The following CTNNA3 variants were observed in gnomAD, a reference collection of about 807,000 sequenced individuals.
CTNNA3 encodes the protein catenin alpha 3, also known as catenin alpha-3.
Under a neutral mutation model 95.7 loss-of-function variants are expected in CTNNA3, and 76 were observed. The ratio of observed to expected loss-of-function variants is 0.79; its 90% confidence interval spans 0.66 to 0.96. The LOEUF is 0.96. CTNNA3 is among the 40% of genes least tolerant of loss of function. The pLI, the probability that CTNNA3 is intolerant of heterozygous loss-of-function variation, is 0.00. For synonymous variants in CTNNA3, 431 were observed against 374.4 expected (o/e 1.15, Z -1.74); for missense variants, 1,191 against 1,089.8 (o/e 1.09, Z -1.31).
chr10:66,496,997 A>G (rs1002701337), intron 11 of CTNNA3, among the ~76,000 whole-genome samples: 1 of 152,002 alleles, frequency 6.6e-6, no homozygotes, highest in African/African-American at 2.4e-5. Context: ...CCCTCAATAC[A>G]TGTCTGTATC....
At chr10:66,037,887 C>A (rs1410388144) in intron 15 of CTNNA3, among the ~76,000 whole-genome samples, 1 of 152,060 alleles carries the variant, frequency 6.6e-6, no homozygotes, top group East Asian at 1.9e-4. Flanking sequence ...TTTGTAATTG[C>A]TATTTTTATT....
At chr10:66,468,472 G>T (rs1246285545) in intron 11 of CTNNA3, among the ~76,000 whole-genome samples, 2 of 151,812 alleles carry the variant, frequency 1.3e-5, no homozygotes, top group Non-Finnish European at 2.9e-5. Flanking sequence ...CATGGGTGGG[G>T]GAAATGGGAA....
chr10:66,310,686 CTT>C (rs370233209), intron 12 of CTNNA3, among the ~76,000 whole-genome samples: 77 of 132,576 alleles, frequency 5.8e-4, no homozygotes, highest in African/African-American at 1.3e-3. Flanking sequence ...TTATACATAA[CTT>C]TTTTTTTTTT....
intron 5 of CTNNA3, among the ~76,000 whole-genome samples, chr10:67,473,200 T>C (rs1463534748): frequency 1.3e-5 from 2 of 152,202 alleles, no homozygotes; most frequent in Admixed American, 1.3e-4. Context: ...AGATCATCCT[T>C]TTCTTTAATA....
intron 7 of CTNNA3, among the ~76,000 whole-genome samples, chr10:66,957,159 T>A (rs1444383442): frequency 3.3e-5 from 5 of 152,086 alleles, no homozygotes; most frequent in African/African-American, 1.2e-4. Flanking sequence ...TTTAGTATAA[T>A]GTTTTCTTTC....
At position 66,927,937 on chromosome 10, in the gene CTNNA3, G is replaced by T. The variant is rs1847163659; in HGVS notation, c.1048-152413C>A. ...TCTAAGGGAGAATACAATTATCTGT[G>T]CCAGTCCCAAAGAGCTGCAAGGAGT... On this transcript the variant is annotated intron_variant, in intron 7 of 17. Transcript: ENST00000433211. The surrounding 1 kb of genome is among the most constrained non-coding windows in gnomAD (Gnocchi z 4.7). 6.2e-7 allele frequency: 1 copy of T among 1,614,094 alleles called. No individual in the cohort carries two copies. The highest frequency in any genetic ancestry group is 8.5e-7 in the Non-Finnish European group (1 of 1,180,054).
At chr10:66,934,393 C>G (rs571974494) in intron 7 of CTNNA3, among the ~76,000 whole-genome samples, 1 of 152,088 alleles carries the variant, frequency 6.6e-6, no homozygotes, top group African/African-American at 2.4e-5. Context: ...AAATGTCTTC[C>G]TTTATAAACC....
intron 13 of CTNNA3, among the ~76,000 whole-genome samples, chr10:66,188,391 C>G (rs1589676036): frequency 6.6e-6 from 1 of 152,112 alleles, no homozygotes; most frequent in East Asian, 1.9e-4. Flanking sequence ...ACCCTCACCC[C>G]TGGTAACCAC....
intron 4 of CTNNA3, among the ~76,000 whole-genome samples, chr10:67,537,393 T>G (rs1012134917): frequency 6.6e-6 from 1 of 152,176 alleles, no homozygotes; most frequent in African/African-American, 2.4e-5. Context: ...TTATAAGAAT[T>G]GAATTAAAAG....
chr10:67,739,470 A>C (rs996634580), intron 1 of CTNNA3, among the ~76,000 whole-genome samples: 41 of 152,330 alleles, frequency 2.7e-4, no homozygotes, highest in Admixed American at 9.2e-4. Flanking sequence ...CTCAGGATAC[A>C]AAATCAGTGT....
intron 6 of CTNNA3, among the ~76,000 whole-genome samples, chr10:67,202,607 A>G (rs1404337068): frequency 6.6e-6 from 1 of 152,186 alleles, no homozygotes; most frequent in African/African-American, 2.4e-5. Flanking sequence ...TAATGTAAGA[A>G]TTAATAATTC....
At chr10:67,481,866 G>C (rs866070302) in intron 5 of CTNNA3, among the ~76,000 whole-genome samples, 46 of 152,100 alleles carry the variant, frequency 3.0e-4, no homozygotes, top group Middle Eastern at 3.4e-3. Context: ...TTCTTCTAGG[G>C]TTTTTATGGT....
intron 11 of CTNNA3, among the ~76,000 whole-genome samples, chr10:66,513,477 T>C (rs568685610): frequency 1.3e-5 from 2 of 152,282 alleles, no homozygotes; most frequent in Non-Finnish European, 2.9e-5. Context: ...AGTCCTTGGA[T>C]CCCTGGGGAG....
chr10:66,588,800 A>C (rs1321142328), intron 10 of CTNNA3, among the ~76,000 whole-genome samples: 1 of 152,090 alleles, frequency 6.6e-6, no homozygotes, highest in Non-Finnish European at 1.5e-5. Context: ...CTAAGGTACA[A>C]AGTAGGAGTT....
intron 11 of CTNNA3, among the ~76,000 whole-genome samples, chr10:66,395,868 A>G (rs986091455): frequency 2.6e-5 from 4 of 151,936 alleles, no homozygotes; most frequent in Non-Finnish European, 5.9e-5. Flanking sequence ...TTGGGCTCCT[A>G]GCATACCCAT....
At chr10:66,196,336 G>C (rs1330285628) in intron 13 of CTNNA3, among the ~76,000 whole-genome samples, 1 of 152,082 alleles carries the variant, frequency 6.6e-6, no homozygotes, top group Non-Finnish European at 1.5e-5. Flanking sequence ...CTGCAATCCC[G>C]AACCAGCAAG....
intron 12 of CTNNA3, among the ~76,000 whole-genome samples, chr10:66,311,539 C>G: frequency 6.6e-6 from 1 of 152,190 alleles, no homozygotes; most frequent in Non-Finnish European, 1.5e-5. Flanking sequence ...GCAGTCCTAA[C>G]AGTAGCATGG....
At chr10:67,251,437 A>C (rs1285556421) in intron 5 of CTNNA3, among the ~76,000 whole-genome samples, 1 of 152,206 alleles carries the variant, frequency 6.6e-6, no homozygotes, top group Non-Finnish European at 1.5e-5. Flanking sequence ...TATACTAAAA[A>C]CTATTGAATT....
chr10:66,976,547 G>T (rs767450114), intron 7 of CTNNA3, among the ~76,000 whole-genome samples: 20 of 152,058 alleles, frequency 1.3e-4, no homozygotes, highest in Non-Finnish European at 2.1e-4. Context: ...TAACTGTAAT[G>T]ACATCATCTC....
Sources: allele counts gnomAD v4.1 joint callset (sites outside exome capture counted in the v4.1 genomes callset), GRCh38; gene constraint gnomAD v4.1.1; non-coding constraint Gnocchi (gnomAD v3.1); transcripts MANE v1.5; gene names NCBI Gene and HGNC (gene_info 2026-07-23, HGNC 2026-07-21).